Variants in ACOT7 observed in about 807,000 individuals in gnomAD.
ACOT7 encodes the protein cytosolic acyl coenzyme A thioester hydrolase.
ACOT7 carries 12 observed loss-of-function variants against 40.2 expected under a neutral mutation model. The observed-to-expected ratio is 0.30, with a 90% CI of 0.19 to 0.48. The LOEUF is 0.48. ACOT7 is among the 20% of genes least tolerant of loss of function. The pLI, the probability that ACOT7 is intolerant of heterozygous loss-of-function variation, is 0.99. For missense variants in ACOT7, 395 were observed against 530.8 expected, an observed-to-expected ratio of 0.74 and a Z score of 2.51; for synonymous variants, 228 against 219.5, an observed-to-expected ratio of 1.04 and a Z score of -0.34.
In ACOT7 at chr1:6,361,754, G is replaced by A. The variant is rs118002767; in HGVS notation, c.144-11888C>T. 1.7e-3 allele frequency among the ~76,000 whole-genome samples: 265 copies of A among 152,284 alleles called. 3 individuals carry two copies. In the East Asian group the frequency reaches 0.043, roughly 25 times the overall value. On this transcript the variant is annotated intron_variant, in intron 1 of 8. Coordinates refer to ENST00000361521, the MANE Select transcript of ACOT7 (RefSeq NM_007274.4). ...GGAGGTTGCAGTGAGCCAAGATCAC[G>A]TCACTGCGTTACTGCATTCCAGCCT...
chr1:6,280,836 T>G (rs913610062), intron 8 of ACOT7, among the ~76,000 whole-genome samples: 3 of 152,114 alleles, frequency 2.0e-5, no homozygotes, highest in African/African-American at 7.2e-5. Flanking sequence ...TCTCTTGTCC[T>G]GTCTGCCCAG....
chr1:6,287,967 G>A (rs941658387), intron 7 of ACOT7, among the ~76,000 whole-genome samples: 11 of 151,904 alleles, frequency 7.2e-5, no homozygotes, highest in Non-Finnish European at 1.2e-4. Flanking sequence ...CCAAGAAAAC[G>A]TCAACTTTAG....
Position 6,281,104 on chromosome 1 carries a change from CCAGCTGGGGCA to C in ACOT7, c.1001_1011del (p.Val334GlyfsTer12). The stretch of plus-strand genomic sequence containing the variant: ...CCGTTCCAAGGATGCGCACTCACCA[CCAGCTGGGGCA>C]CAGGCAGCGACCTGCCTTCCTGGCT... On this transcript the variant is annotated frameshift_variant, in exon 8 of 9. Coordinates refer to ENST00000361521, the MANE Select transcript of ACOT7 (RefSeq NM_007274.4). LOFTEE classifies it high-confidence loss of function. 1.2e-6 allele frequency: 2 copies of C among 1,613,188 alleles called. No homozygotes were observed. Among genetic ancestry groups the C allele is most frequent in the Non-Finnish European group, 1.7e-6 (2 of 1,179,980 alleles).
In ACOT7 at chr1:6,355,994, T is replaced by G. The variant is rs1261235690; in HGVS notation, c.144-6128A>C. On this transcript the variant is annotated intron_variant, in intron 1 of 8. Transcript: ENST00000361521. The surrounding 1 kb of genome is among the most constrained non-coding windows in gnomAD (Gnocchi z 5.0). ...GCCACATGGAGCCTGAGTACTGGGTTGAATTGTGTCCCCCAAAAGATGTGT... is the reference window on the plus strand; with the variant it reads ...GCCACATGGAGCCTGAGTACTGGGTGGAATTGTGTCCCCCAAAAGATGTGT... 1.3e-5 allele frequency among the ~76,000 whole-genome samples: 2 copies of G among 152,154 alleles called. No individual in the cohort carries two copies. Among genetic ancestry groups the G allele is most frequent in the Non-Finnish European group, 2.9e-5 (2 of 68,008 alleles).
At chr1:6,356,766 A>C (rs1240720024) in intron 1 of ACOT7, among the ~76,000 whole-genome samples, 1 of 152,018 alleles carries the variant, frequency 6.6e-6, no homozygotes, top group Non-Finnish European at 1.5e-5. Flanking sequence ...AAAATAGAAA[A>C]AAAATAGCTG....
chr1:6,279,832 G>T (rs58610408), intron 8 of ACOT7, among the ~76,000 whole-genome samples: 8,858 of 152,234 alleles, frequency 0.058, 366 homozygotes, highest in African/African-American at 0.12. Context: ...AAGGGGCAGG[G>T]CTGGGAGAGG....
At chr1:6,383,790 C>G (rs560227686) in intron 1 of ACOT7, among the ~76,000 whole-genome samples, 1 of 151,582 alleles carries the variant, frequency 6.6e-6, no homozygotes, top group Non-Finnish European at 1.5e-5. Context: ...CTGTAAGCTC[C>G]GCCTCCCGGG....
chr1:6,388,626 C>CT (rs1217379338), intron 1 of ACOT7, among the ~76,000 whole-genome samples: 1 of 149,602 alleles, frequency 6.7e-6, no homozygotes, highest in Non-Finnish European at 1.5e-5. Flanking sequence ...GTAGTCCCAG[C>CT]TACTCGGGAA....
intron 8 of ACOT7, among the ~76,000 whole-genome samples, chr1:6,279,321 G>A (rs1639288375): frequency 6.6e-6 from 1 of 152,198 alleles, no homozygotes; most frequent in African/African-American, 2.4e-5. Flanking sequence ...GCCAGGGCAA[G>A]GCGGGTAGGC....
At chr1:6,374,229 G>A (rs1642184829) in intron 1 of ACOT7, among the ~76,000 whole-genome samples, 4 of 152,214 alleles carry the variant, frequency 2.6e-5, no homozygotes, top group Admixed American at 2.0e-4. Flanking sequence ...ACAGAGGCGG[G>A]AGGGAGGTGG....
At chr1:6,336,652 C>T (rs530403395) in intron 3 of ACOT7, among the ~76,000 whole-genome samples, 7 of 152,298 alleles carry the variant, frequency 4.6e-5, no homozygotes, top group Admixed American at 2.0e-4. Context: ...GGTCCCCGCG[C>T]GCATCCTCTG....
At position 6,393,601 on chromosome 1, in the gene ACOT7, C is replaced by T. The variant is rs975552665; in HGVS notation, c.-202G>A. 1.8e-5 allele frequency: 7 copies of T among 383,686 alleles called. No homozygotes were observed. Among genetic ancestry groups the T allele is most frequent in the Non-Finnish European group, 3.0e-5 (7 of 235,454 alleles). The allele number at this position is 383,686 out of a possible 1,614,324, so 23.8% of individuals were successfully genotyped here. ...GTGGGGGCCCAGGCAGCCGCCGCTT[C>T]CAGAAGGTTCGGTGGCGGTTGGGCC... On this transcript the variant is annotated 5_prime_UTR_variant, in exon 1 of 9. Coordinates refer to ENST00000361521, the MANE Select transcript of ACOT7 (RefSeq NM_007274.4).
intron 4 of ACOT7, among the ~76,000 whole-genome samples, chr1:6,332,656 A>T (rs1433334796): frequency 6.6e-6 from 1 of 152,088 alleles, no homozygotes; most frequent in East Asian, 1.9e-4. Flanking sequence ...TCTACTAAAA[A>T]ATATATATAA....
rs1329781985 is a variant in ACOT7, at chr1:6,288,163, G to A, written c.829+6701C>T. 6.6e-6 allele frequency among the ~76,000 whole-genome samples: 1 copy of A among 152,188 alleles called. No individual in the cohort carries two copies. The highest frequency in any genetic ancestry group is 1.5e-5 in the Non-Finnish European group (1 of 68,018). Reference sequence around the variant, plus strand: ...GGGGCGGAGGCTCTCCCACTCTGTGGGTGCTACCGGGCTCCACGTGCCTTC... The same window carrying A: ...GGGGCGGAGGCTCTCCCACTCTGTGAGTGCTACCGGGCTCCACGTGCCTTC... On this transcript the variant is annotated intron_variant, in intron 7 of 8. Transcript: ENST00000361521. The surrounding 1 kb of genome is among the most constrained non-coding windows in gnomAD (Gnocchi z 4.3).
At chr1:6,393,143 ATCGGCGGGCGGGGGC>A in intron 1 of ACOT7, 99 bp downstream of exon 1, 1 of 1,111,570 alleles carries the variant, frequency 9.0e-7, no homozygotes. Context: ...CGTGCGGGGA[ATCGGCGGGCGGGGGC>A]GGCCTCGGCG....
intron 1 of ACOT7, among the ~76,000 whole-genome samples, chr1:6,351,531 C>T (rs984872136): frequency 6.6e-6 from 1 of 152,228 alleles, no homozygotes; most frequent in African/African-American, 2.4e-5. Flanking sequence ...GTAGGAAGGG[C>T]CTTCCCCGCA....
In ACOT7 at chr1:6,322,506, G is replaced by A. The variant is rs11810485; in HGVS notation, c.626-3928C>T. ...CCCACCAAAGGCTGGCGCCTTAAGC[G>A]GCAGAAATTCGTCTCACAGCCCTGG... On this transcript the variant is annotated intron_variant, in intron 5 of 8. Coordinates refer to ENST00000361521, the MANE Select transcript of ACOT7 (RefSeq NM_007274.4). Among the ~76,000 whole-genome samples, 177 of 152,350 alleles carry A rather than the reference G, an allele frequency of 1.2e-3. 1 individual carries two copies. Among genetic ancestry groups the A allele is most frequent in the African/African-American group, 3.9e-3 (164 of 41,590 alleles).
chr1:6,270,621 T>C (rs1443296972), intron 8 of ACOT7, among the ~76,000 whole-genome samples: 1 of 152,172 alleles, frequency 6.6e-6, no homozygotes, highest in Non-Finnish European at 1.5e-5. Context: ...GGCCCAGCTG[T>C]GTGGCCCAGG....
chr1:6,383,316 T>C (rs148105965), intron 1 of ACOT7, among the ~76,000 whole-genome samples: 2,983 of 150,374 alleles, frequency 0.02, 73 homozygotes, highest in African/African-American at 0.035. Flanking sequence ...GCCTCCCAAG[T>C]AGCTGAGACT....
Sources: allele counts gnomAD v4.1 joint callset (sites outside exome capture counted in the v4.1 genomes callset), GRCh38; gene constraint gnomAD v4.1.1; non-coding constraint Gnocchi (gnomAD v3.1); transcripts MANE v1.5; gene names NCBI Gene and HGNC (gene_info 2026-07-23, HGNC 2026-07-21).